The following DDT variants were observed in gnomAD, a reference collection of about 807,000 sequenced individuals.
The protein encoded by DDT is D-dopachrome decarboxylase.
A neutral mutation model predicts 2.5 loss-of-function variants in DDT; 4 were observed. The ratio of observed to expected loss-of-function variants is 1.59; its 90% confidence interval spans 0.78 to 3.63. The LOEUF (loss-of-function observed/expected upper bound fraction) is 3.63, where lower values mean the gene tolerates loss of function less well. DDT is among the 30% of genes most tolerant of loss of function. The pLI, the probability that DDT is intolerant of heterozygous loss-of-function variation, is 0.01. For missense variants in DDT, 32 were observed against 30.0 expected (o/e 1.07, Z -0.15); for synonymous variants, 11 against 10.0 (o/e 1.10, Z -0.19).
At chr22:23,972,470 A>C (rs1212537864) in intron 2 of DDT, 1 of 149,810 alleles carries the variant, frequency 6.7e-6, no homozygotes, top group Non-Finnish European at 1.5e-5. Flanking sequence ...TGGGTTACTT[A>C]TAATACCTAA....
In DDT at chr22:23,971,386, CTCT is replaced by C; in HGVS notation, c.*162_*164del. ...GAAGTCATGTTTGAATGAGGAAGCT[CTCT>C]TCATTTATTTCATATGAGGATGAAG... is the stretch of plus-strand genomic sequence containing the variant. On this transcript the variant is annotated 3_prime_UTR_variant, in exon 3 of 3. Transcript: ENST00000398344. 2 of 1,613,872 alleles carry C rather than the reference CTCT, an allele frequency of 1.2e-6. No homozygotes were observed. The highest frequency in any genetic ancestry group is 2.2e-5 in the East Asian group (1 of 44,880).
chr22:23,972,062 G>A (rs1453250821), intron 2 of DDT: 21 of 588,472 alleles, frequency 3.6e-5, no homozygotes, highest in Non-Finnish European at 4.5e-5. Flanking sequence ...CCCTCTCAGA[G>A]GTAACAGCAA....
chr22:23,972,072 A>G, intron 2 of DDT: 1 of 692,630 alleles, frequency 1.4e-6, no homozygotes, highest in Non-Finnish European at 1.8e-6. Flanking sequence ...GGTAACAGCA[A>G]GTTTCCAGTG....
chr22:23,972,236 A>C (rs537190035), intron 2 of DDT: 2 of 959,126 alleles, frequency 2.1e-6, no homozygotes, highest in East Asian at 2.4e-4. Context: ...GATTGTAAGG[A>C]TCAAATGGGA....
chr22:23,975,789 GCTCCCCC>G (rs1205613548), upstream of DDT, among the ~76,000 whole-genome samples: 2 of 50,588 alleles, frequency 4.0e-5, no homozygotes, highest in African/African-American at 1.3e-4. Context: ...TGAGACCCAG[GCTCCCCC>G]CTCCCCCACA....
chr22:23,971,703 C>G, intron 2 of DDT, 80 bp from the exon 3 acceptor site: 3 of 1,319,310 alleles, frequency 2.3e-6, no homozygotes, highest in Non-Finnish European at 3.2e-6. Flanking sequence ...GGTACTCCCA[C>G]TGTGGGTACT....
upstream of DDT, among the ~76,000 whole-genome samples, chr22:23,977,746 TC>T (rs1332853412): frequency 3.1e-5 from 2 of 63,838 alleles, no homozygotes; most frequent in African/African-American, 6.7e-5. Context: ...AGGGACAGCC[TC>T]CCCCTTCTCC....
rs767444742 is a variant in DDT, at chr22:23,971,446, T to C, written c.*105A>G. The C allele has an allele frequency of 6.2e-7, 1 of 1,608,694 alleles. No homozygotes were observed. Among genetic ancestry groups the C allele is most frequent in the Non-Finnish European group, 8.5e-7 (1 of 1,176,570 alleles). On this transcript the variant is annotated 3_prime_UTR_variant, in exon 3 of 3. Transcript: ENST00000398344. ...ATTATGTGATCACAGGAATGTTGCA[T>C]GCGGGATAATCCAAAGCTGGTTATC...
rs192739691 is a variant in DDT, at chr22:23,971,529, C to G, written c.*22G>C. The G allele has an allele frequency of 3.8e-4, 615 of 1,613,368 alleles. No individual in the cohort carries two copies. In the African/African-American group the frequency reaches 7.3e-3, roughly 19 times the overall value. ...GGAAGAAGCAGCCAGTTCACAGATG[C>G]CCTGGATCCCTCCGTGCCCAATCAT... On this transcript the variant is annotated 3_prime_UTR_variant, in exon 3 of 3. Coordinates refer to ENST00000398344, the MANE Select transcript of DDT (RefSeq NM_001084392.3).
chr22:23,975,808 AAAAG>A (rs1454105723), upstream of DDT, among the ~76,000 whole-genome samples: 2 of 43,004 alleles, frequency 4.7e-5, no homozygotes, highest in South Asian at 1.0e-3. Flanking sequence ...TCCCCCACAA[AAAAG>A]AAAGAAAAAA....
rs770541331 is a variant in DDT, at chr22:23,971,405, G to A, written c.*146C>T. On this transcript the variant is annotated 3_prime_UTR_variant, in exon 3 of 3. Coordinates refer to ENST00000398344, the MANE Select transcript of DDT (RefSeq NM_001084392.3). ...GAAGCTCTCTTCATTTATTTCATAT[G>A]AGGATGAAGAAGAGGATTATGTGAT... The A allele has an allele frequency of 3.1e-6, 5 of 1,613,200 alleles. No individual in the cohort carries two copies. The highest frequency in any genetic ancestry group is 1.6e-4 in the Middle Eastern group (1 of 6,074).
chr22:23,971,497 T>A lies in DDT; in HGVS notation c.*54A>T, dbSNP rs556028562. ...TCCAGGCCCTCACTCTGCCAAGAGA[T>A]CTCTCTGGAAGAAGCAGCCAGTTCA... On this transcript the variant is annotated 3_prime_UTR_variant, in exon 3 of 3. Coordinates refer to ENST00000398344, the MANE Select transcript of DDT (RefSeq NM_001084392.3). 1.8e-5 allele frequency: 29 copies of A among 1,609,914 alleles called. No individual in the cohort carries two copies. In the South Asian group the frequency reaches 2.5e-4, roughly 14 times the overall value.
intron 2 of DDT, chr22:23,972,918 G>A (rs1390722028): frequency 3.0e-5 from 1 of 32,890 alleles, no homozygotes; most frequent in Non-Finnish European, 6.8e-5. Flanking sequence ...AAACTGTTTT[G>A]GGGGATGGCA....
At position 23,972,316 on chromosome 22, in the gene DDT, A is replaced by C. The variant is rs994820431; in HGVS notation, c.285-693T>G. ...GTATAACACTTGTTGTTAGAGTAACAGTTTTCCCTGAGTATCCGTGGGAGA... is the reference window on the plus strand; with the variant it reads ...GTATAACACTTGTTGTTAGAGTAACCGTTTTCCCTGAGTATCCGTGGGAGA... On this transcript the variant is annotated intron_variant, in intron 2 of 2. Transcript: ENST00000398344. 227 of 760,606 alleles carry C rather than the reference A, an allele frequency of 3.0e-4. 1 individual carries two copies. Among genetic ancestry groups the C allele is most frequent in the Admixed American group, 2.9e-3 (45 of 15,648 alleles). The allele number at this position is 760,606 out of a possible 1,614,324, so 47.1% of individuals were successfully genotyped here. A position where few individuals can be genotyped will look rare whatever the true frequency, so the allele number is the denominator to read the frequency against.
At chr22:23,971,704 T>C in intron 2 of DDT, 81 bp from the exon 3 acceptor site, 1 of 1,321,620 alleles carries the variant, frequency 7.6e-7, no homozygotes, top group Non-Finnish European at 1.1e-6. Context: ...GTACTCCCAC[T>C]GTGGGTACTC....
At position 23,971,543 on chromosome 22, in the gene DDT, G is replaced by A. The variant is rs376469607; in HGVS notation, c.*8C>T. 5.0e-5 allele frequency: 80 copies of A among 1,613,962 alleles called. 1 individual carries two copies. In the South Asian group the frequency reaches 7.5e-4, roughly 15 times the overall value. On this transcript the variant is annotated 3_prime_UTR_variant, in exon 3 of 3. Transcript: ENST00000398344. Reference sequence around the variant, plus strand: ...GTTCACAGATGCCCTGGATCCCTCCGTGCCCAATCATAAAAAAGTCATGAC... The same window carrying A: ...GTTCACAGATGCCCTGGATCCCTCCATGCCCAATCATAAAAAAGTCATGAC...
chr22:23,972,327 A>G, intron 2 of DDT: 2 of 635,714 alleles, frequency 3.1e-6, no homozygotes, highest in Non-Finnish European at 1.9e-6. Flanking sequence ...GTTTTCCCTG[A>G]GTATCCGTGG....
rs9612528 is a variant in DDT at position 23,972,069 on chromosome 22, G to C, written c.285-446C>G. The C allele has an allele frequency of 6.1e-6, 4 of 654,496 alleles. 1 individual carries two copies. The East Asian group carries it at 4.3e-4, about 70-fold the overall frequency. The allele number at this position is 654,496 out of a possible 1,614,324, so 40.5% of individuals were successfully genotyped here. On this transcript the variant is annotated intron_variant, in intron 2 of 2. Transcript: ENST00000398344. The stretch of plus-strand genomic sequence containing the variant: ...GAACATGCCCCTCTCAGAGGTAACA[G>C]CAAGTTTCCAGTGAGGAAAACCAGA...
At position 23,971,551 on chromosome 22, in the gene DDT, T is replaced by A. The variant is rs775517306; in HGVS notation, c.357A>T (p.Ter119CysextTer28). 6 of 1,613,798 alleles carry A rather than the reference T, an allele frequency of 3.7e-6. No homozygotes were observed. Among genetic ancestry groups the A allele is most frequent in the Non-Finnish European group, 5.1e-6 (6 of 1,179,956 alleles). Residue 119 changes from the stop codon to cysteine (C), a stop_lost, in exon 3 of 3, where the codon TGA (stop) becomes TGT (cysteine). Coordinates refer to ENST00000398344, the MANE Select transcript of DDT (RefSeq NM_001084392.3). ...GKIGTVMTFL[*>C] ...ATGCCCTGGATCCCTCCGTGCCCAA[T>A]CATAAAAAAGTCATGACCGTCCCTA...
Sources: gnomAD v4.1 joint callset for allele counts (sites outside exome capture counted in the v4.1 genomes callset) on GRCh38, gnomAD v4.1.1 for gene constraint, MANE v1.5 for transcripts, NCBI Gene and HGNC (gene_info 2026-07-23, HGNC 2026-07-21) for gene names.